ANO2: variants seen among roughly 807,000 people sequenced by gnomAD.
ANO2 encodes the protein anoctamin-2.
ANO2 carries 101 observed loss-of-function variants against 124.2 expected under a neutral mutation model. That is an observed-to-expected ratio of 0.81 (90% CI 0.69 to 0.96). The LOEUF is 0.96. Among genes scored for constraint, ANO2 ranks in the 40% least tolerant of loss-of-function variants. ANO2 has a pLI of 0.00. For missense variants in ANO2, 1,293 were observed against 1,274.5 expected (o/e 1.01, Z -0.22); for synonymous variants, 486 against 482.5 (o/e 1.01, Z -0.09).
At chr12:5,777,013 G>A (rs1238140474) in intron 10 of ANO2, among the ~76,000 whole-genome samples, 1 of 152,160 alleles carries the variant, frequency 6.6e-6, no homozygotes, top group Non-Finnish European at 1.5e-5. Flanking sequence ...CCTACCTGAA[G>A]TTCTTTCAGA....
chr12:5,629,807 A>G (rs1176516778), intron 16 of ANO2, among the ~76,000 whole-genome samples: 1 of 152,184 alleles, frequency 6.6e-6, no homozygotes, highest in Non-Finnish European at 1.5e-5. Flanking sequence ...CCTCTAGGAC[A>G]CAGCTCCAAA....
intron 20 of ANO2, among the ~76,000 whole-genome samples, chr12:5,583,350 A>T (rs1942864464): frequency 6.6e-6 from 1 of 152,206 alleles, no homozygotes; most frequent in Non-Finnish European, 1.5e-5. Context: ...AAATGATTAT[A>T]GCTTTTAAAA....
chr12:5,832,576 T>C lies in ANO2; in HGVS notation c.661A>G (p.Ile221Val), dbSNP rs778386081. 1.2e-6 allele frequency: 2 copies of C among 1,613,722 alleles called. No homozygotes were observed. Among genetic ancestry groups the C allele is most frequent in the South Asian group, 1.1e-5 (1 of 91,064 alleles). Reference protein sequence around the residue: ...KMYEIKAGGSIAKKFSAALQK... With the variant: ...KMYEIKAGGSVAKKFSAALQK... Reference sequence around the variant, plus strand: ...AGAGCCGCGCTGAACTTCTTTGCAATGCTGCCTCCTGCTTTGATCTCGTAC... The same window carrying C: ...AGAGCCGCGCTGAACTTCTTTGCAACGCTGCCTCCTGCTTTGATCTCGTAC... The change falls in exon 5 of 25, where the codon ATT becomes GTT. Residue 221 changes from isoleucine (I) to valine (V), a missense_variant. Ile to Val is a conservative substitution (Grantham distance 29). Transcript: ENST00000682330.
In ANO2 at chr12:5,599,470, C is replaced by T. The variant is rs1158361186; in HGVS notation, c.2233+14G>A. On this transcript the variant is annotated intron_variant, in intron 20 of 24. Coordinates refer to ENST00000682330, the MANE Select transcript of ANO2 (RefSeq NM_001364791.2). ...AACCTGCCCCCAGTGGAAGGCAGGA[C>T]CATGGGTTCTCACTCATTTCCATGT... 1.3e-6 allele frequency: 2 copies of T among 1,596,918 alleles called. No homozygotes were observed. The highest frequency in any genetic ancestry group is 2.7e-5 in the African/African-American group (2 of 73,876).
At chr12:5,588,954 C>T (rs753252905) in intron 20 of ANO2, among the ~76,000 whole-genome samples, 3 of 152,320 alleles carry the variant, frequency 2.0e-5, no homozygotes, top group Non-Finnish European at 2.9e-5. Context: ...CGAGTCTCAC[C>T]TGACACCCTG....
chr12:5,736,946 A>G (rs1215157628), intron 13 of ANO2, among the ~76,000 whole-genome samples: 1 of 152,176 alleles, frequency 6.6e-6, no homozygotes, highest in African/African-American at 2.4e-5. Context: ...CATTAGCCAG[A>G]GCAATTTCTC....
chr12:5,597,268 G>C (rs948367371), intron 20 of ANO2, among the ~76,000 whole-genome samples: 9 of 151,786 alleles, frequency 5.9e-5, no homozygotes, highest in Non-Finnish European at 1.2e-4. Context: ...CCCTCTGATG[G>C]GCCCCAGTGT....
chr12:5,692,291 C>T (rs921797783), intron 14 of ANO2, among the ~76,000 whole-genome samples: 22 of 152,044 alleles, frequency 1.4e-4, no homozygotes, highest in African/African-American at 5.3e-4. Context: ...CACAGAGAAT[C>T]TAGGATGACT....
At chr12:5,702,207 G>T (rs562233177) in intron 14 of ANO2, among the ~76,000 whole-genome samples, 2 of 152,164 alleles carry the variant, frequency 1.3e-5, no homozygotes, top group Non-Finnish European at 2.9e-5. Context: ...CAAAAAATCA[G>T]CAGGTATACA....
At chr12:5,902,620 AGG>A (rs1940303694) in intron 3 of ANO2, among the ~76,000 whole-genome samples, 1 of 1,548 alleles carries the variant, frequency 6.5e-4, no homozygotes. Flanking sequence ...ATGGGAGGGG[AGG>A]GGAGGGGAGG....
chr12:5,939,086 G>A (rs549157865), intron 1 of ANO2, among the ~76,000 whole-genome samples: 1 of 147,500 alleles, frequency 6.8e-6, no homozygotes, highest in Non-Finnish European at 1.5e-5. Context: ...GCGTAGTGGT[G>A]CGCGCCTGTA....
At chr12:5,722,687 A>G (rs1218508896) in intron 14 of ANO2, among the ~76,000 whole-genome samples, 6 of 152,110 alleles carry the variant, frequency 3.9e-5, no homozygotes, top group African/African-American at 1.4e-4. Flanking sequence ...ATTGGGAACC[A>G]CGATCTGATG....
intron 3 of ANO2, among the ~76,000 whole-genome samples, 159 bp from the exon 4 acceptor site, chr12:5,854,300 T>A (rs1411083920): frequency 2.0e-5 from 3 of 150,422 alleles, no homozygotes; most frequent in African/African-American, 7.4e-5. Flanking sequence ...CCTTCCCACC[T>A]GTACCCAGTT....
At chr12:5,843,100 T>G (rs936360993) in intron 4 of ANO2, among the ~76,000 whole-genome samples, 4 of 152,138 alleles carry the variant, frequency 2.6e-5, no homozygotes, top group Non-Finnish European at 5.9e-5. Context: ...ACCCCACCTA[T>G]AGCCAACCAA....
chr12:5,710,836 T>C (rs1251946575), intron 14 of ANO2, among the ~76,000 whole-genome samples: 1 of 152,146 alleles, frequency 6.6e-6, no homozygotes, highest in South Asian at 2.1e-4. Flanking sequence ...TGATAGAGTA[T>C]GAATGTTTGT....
At chr12:5,703,300 G>T (rs549633878) in intron 14 of ANO2, among the ~76,000 whole-genome samples, 1 of 152,250 alleles carries the variant, frequency 6.6e-6, no homozygotes, top group Admixed American at 6.5e-5. Context: ...ATATCATACA[G>T]TATTTAGTGT....
chr12:5,921,184 C>T lies in ANO2; in HGVS notation c.390G>A (p.Glu130=). 1 of 1,613,988 alleles carries T rather than the reference C, an allele frequency of 6.2e-7. No individual in the cohort carries two copies. Among genetic ancestry groups the T allele is most frequent in the Non-Finnish European group, 8.5e-7 (1 of 1,179,872 alleles). Residue 130 remains glutamate (E), a synonymous_variant, in exon 3 of 25, where the codon GAG becomes GAA. Transcript: ENST00000682330. The stretch of plus-strand genomic sequence containing the variant: ...CCCCAGCATGAGGCTCCTTGCCTGT[C>T]TCCCCATTGGAGACGATAGCCAGCG... The part of the protein sequence containing the change: ...GHSLAIVSNG[E]TGKEPHAGGP...
chr12:5,865,114 CCT>C (rs1330325659), intron 3 of ANO2, among the ~76,000 whole-genome samples: 2 of 152,158 alleles, frequency 1.3e-5, no homozygotes, highest in African/African-American at 4.8e-5. Flanking sequence ...AGGATATGCC[CCT>C]GCCTTCTCTT....
chr12:5,687,231 C>T (rs1022354916), intron 14 of ANO2, among the ~76,000 whole-genome samples: 3 of 152,358 alleles, frequency 2.0e-5, no homozygotes, highest in African/African-American at 7.2e-5. Flanking sequence ...TCCTGTTCTA[C>T]TCTCTTGAGT....
Sources: allele counts gnomAD v4.1 joint callset (sites outside exome capture counted in the v4.1 genomes callset), GRCh38; gene constraint gnomAD v4.1.1; transcripts MANE v1.5; gene names NCBI Gene and HGNC (gene_info 2026-07-23, HGNC 2026-07-21).